LTBP1: variants seen among roughly 807,000 people sequenced by gnomAD.
LTBP1 encodes the protein latent transforming growth factor beta binding protein 1.
Under a neutral mutation model 207.6 loss-of-function variants are expected in LTBP1, and 129 were observed. The observed-to-expected ratio is 0.62, with a 90% confidence interval of 0.54 to 0.72. The LOEUF (loss-of-function observed/expected upper bound fraction) is 0.72, where lower values mean the gene tolerates loss of function less well. Among genes scored for constraint, LTBP1 ranks in the 30% least tolerant of loss-of-function variants. The pLI is 0.00. For synonymous variants in LTBP1, 963 were observed against 833.7 expected (o/e 1.16, Z -2.67); for missense variants, 2,281 against 2,217.2 (o/e 1.03, Z -0.58).
At chr2:33,343,084 T>A in intron 25 of LTBP1, 121 bp downstream of exon 25, 1 of 1,202,364 alleles carries the variant, frequency 8.3e-7, no homozygotes, top group Non-Finnish European at 1.1e-6. Flanking sequence ...TTTGATTTTG[T>A]CATACAATTT....
intron 24 of LTBP1, chr2:33,332,936 A>T (rs1221270312): frequency 6.6e-6 from 1 of 152,134 alleles, no homozygotes; most frequent in African/African-American, 2.4e-5. Flanking sequence ...CTCTCATCTG[A>T]TCTTGAAAGC....
At position 33,250,027 on chromosome 2, in the gene LTBP1, G is replaced by T. The variant is rs2092636781; in HGVS notation, c.2000-2650G>T. The stretch of plus-strand genomic sequence containing the variant: ...GTTATCCTTTACAATTAATCTTCCA[G>T]TCTGAGGTTAAAGATATTCAGACAA... On this transcript the variant is annotated intron_variant, in intron 10 of 33. Coordinates refer to ENST00000404816, the MANE Select transcript of LTBP1 (RefSeq NM_206943.4). 2.0e-5 allele frequency among the ~76,000 whole-genome samples: 3 copies of T among 152,134 alleles called. No individual in the cohort carries two copies. The South Asian group carries it at 6.2e-4, about 32-fold the overall frequency.
chr2:32,982,973 G>A (rs1363678177), intron 2 of LTBP1, among the ~76,000 whole-genome samples: 1 of 152,230 alleles, frequency 6.6e-6, no homozygotes, highest in Non-Finnish European at 1.5e-5. Context: ...TAGTGGAGCT[G>A]TGAGAAGAGG....
intron 2 of LTBP1, among the ~76,000 whole-genome samples, chr2:33,018,970 A>G (rs1688778518): frequency 6.6e-6 from 1 of 152,168 alleles, no homozygotes; most frequent in Admixed American, 6.5e-5. Flanking sequence ...TACTTGCTGT[A>G]ACGAATAGGC....
chr2:33,262,814 G>C lies in LTBP1; in HGVS notation c.2511G>C (p.Gln837His). ...TTTCCACTATTCATCTGCATCCACA[G>C]TTTCCAGGTAGCCTGTGTTGATCTG... ...PGISTIHLHP[Q>H]FPVVIEKTSP... Residue 837 changes from glutamine to histidine, a missense_variant, in exon 14 of 34, where the codon CAG becomes CAC. This residue lies in a region of LTBP1 where 1,671 missense variants were observed against 1,634.8 expected (regional missense o/e 1.02). Transcript: ENST00000404816. The C allele has an allele frequency of 2.5e-6, 4 of 1,605,790 alleles. No homozygotes were observed. Among genetic ancestry groups the C allele is most frequent in the Non-Finnish European group, 3.4e-6 (4 of 1,174,800 alleles).
chr2:33,386,128 A>C (rs2095263662), intron 31 of LTBP1, among the ~76,000 whole-genome samples: 1 of 152,182 alleles, frequency 6.6e-6, no homozygotes, highest in South Asian at 2.1e-4. Context: ...AAAACAACTT[A>C]GTTTTCTTTC....
intron 9 of LTBP1, among the ~76,000 whole-genome samples, chr2:33,241,023 A>C (rs528566844): frequency 1.3e-5 from 2 of 152,334 alleles, no homozygotes; most frequent in South Asian, 4.1e-4. Context: ...CTAGTTGTAT[A>C]CTTAAGATTG....
intron 32 of LTBP1, among the ~76,000 whole-genome samples, chr2:33,395,158 A>G (rs1055284648): frequency 6.6e-6 from 1 of 152,160 alleles, no homozygotes; most frequent in Non-Finnish European, 1.5e-5. Context: ...ATTGTGTTCA[A>G]TGTTGGGTAT....
chr2:33,215,455 A>G (rs935624710), intron 7 of LTBP1, among the ~76,000 whole-genome samples: 3 of 152,182 alleles, frequency 2.0e-5, no homozygotes, highest in East Asian at 1.9e-4. Flanking sequence ...CATCAAAGCT[A>G]TGATGTAACT....
At chr2:33,298,127 T>G (rs1177111750) in intron 20 of LTBP1, among the ~76,000 whole-genome samples, 1 of 152,242 alleles carries the variant, frequency 6.6e-6, no homozygotes, top group Non-Finnish European at 1.5e-5. Flanking sequence ...CATTCCTATT[T>G]TATTAGAAAG....
intron 2 of LTBP1, among the ~76,000 whole-genome samples, chr2:33,010,921 T>G (rs745368692): frequency 2.6e-5 from 4 of 152,068 alleles, no homozygotes; most frequent in Non-Finnish European, 5.9e-5. Context: ...GGTTTCACCA[T>G]GTTGGCCAGG....
intron 5 of LTBP1, among the ~76,000 whole-genome samples, chr2:33,137,528 A>G (rs1308049962): frequency 6.6e-6 from 1 of 152,236 alleles, no homozygotes; most frequent in Non-Finnish European, 1.5e-5. Context: ...TATGAACAAG[A>G]ATAGGTGTGG....
chr2:33,189,034 A>G (rs1038053171), intron 7 of LTBP1, among the ~76,000 whole-genome samples, 183 bp downstream of exon 7: 1 of 152,204 alleles, frequency 6.6e-6, no homozygotes, highest in South Asian at 2.1e-4. Context: ...ATTCATTTAC[A>G]TACTGTCTAT....
chr2:33,194,430 A>G (rs1414772629), intron 7 of LTBP1, among the ~76,000 whole-genome samples: 1 of 152,266 alleles, frequency 6.6e-6, no homozygotes, highest in African/African-American at 2.4e-5. Flanking sequence ...GGAAATTAAA[A>G]GTGCTACTCC....
At chr2:33,384,886 G>A (rs1315206911) in intron 31 of LTBP1, among the ~76,000 whole-genome samples, 4 of 152,128 alleles carry the variant, frequency 2.6e-5, no homozygotes, top group Non-Finnish European at 5.9e-5. Flanking sequence ...CAGAGGCCCA[G>A]CACATGCTAG....
intron 3 of LTBP1, among the ~76,000 whole-genome samples, chr2:33,040,926 G>T (rs180863773): frequency 6.6e-6 from 1 of 152,336 alleles, no homozygotes; most frequent in East Asian, 1.9e-4. Context: ...TATGGAAGAA[G>T]TCTGACAATT....
intron 26 of LTBP1, among the ~76,000 whole-genome samples, chr2:33,352,542 C>G (rs1244165669): frequency 6.6e-6 from 1 of 152,076 alleles, no homozygotes; most frequent in African/African-American, 2.4e-5. Flanking sequence ...CCAGTTCTAC[C>G]TCCAGGGTGT....
At chr2:33,290,740 A>T (rs116278975) in intron 19 of LTBP1, among the ~76,000 whole-genome samples, 1 of 152,166 alleles carries the variant, frequency 6.6e-6, no homozygotes, top group Non-Finnish European at 1.5e-5. Flanking sequence ...TGAGTAGATA[A>T]TGGTACTAGA....
At chr2:33,041,420 G>A (rs2076179044) in intron 3 of LTBP1, among the ~76,000 whole-genome samples, 1 of 152,192 alleles carries the variant, frequency 6.6e-6, no homozygotes, top group Non-Finnish European at 1.5e-5. Flanking sequence ...AAGTAGCTGG[G>A]ACTACAGGTG....
Sources: allele counts gnomAD v4.1 joint callset (sites outside exome capture counted in the v4.1 genomes callset), GRCh38; gene constraint gnomAD v4.1.1; regional missense constraint gnomAD v4.1.1; transcripts MANE v1.5; gene names NCBI Gene and HGNC (gene_info 2026-07-23, HGNC 2026-07-21).